Variants in CFAP65 observed in about 807,000 individuals in gnomAD.
CFAP65 encodes cilia and flagella associated protein 65, also known as cilia- and flagella-associated protein 65.
A neutral mutation model predicts 208.0 loss-of-function variants in CFAP65; 155 were observed. The observed-to-expected ratio is 0.75, with a 90% CI of 0.65 to 0.85. The LOEUF (loss-of-function observed/expected upper bound fraction) is 0.85. Among genes scored for constraint, CFAP65 ranks in the 40% least tolerant of loss-of-function variants. The pLI is 0.00. For missense variants in CFAP65, 2,294 were observed against 2,451.3 expected (o/e 0.94, Z 1.36); for synonymous variants, 970 against 986.3 (o/e 0.98, Z 0.31).
chr2:219,014,567 G>A (rs1236126096), intron 21 of CFAP65: 1 of 152,746 alleles, frequency 6.5e-6, no homozygotes, highest in Admixed American at 6.5e-5. Context: ...CGGTAAAGTA[G>A]ATAATGCACC....
chr2:219,029,687 G>T lies in CFAP65; in HGVS notation c.1385-19C>A, dbSNP rs769486657. Reference sequence around the variant, plus strand: ...GCAGGGCCTGGACACAGGAGATGGGGTATCAGCTTCCCCAAGGATATCTTA... The same window carrying T: ...GCAGGGCCTGGACACAGGAGATGGGTTATCAGCTTCCCCAAGGATATCTTA... On this transcript the variant is annotated intron_variant, in intron 10 of 34. Coordinates refer to ENST00000341552, the MANE Select transcript of CFAP65 (RefSeq NM_194302.4). 6.2e-7 allele frequency: 1 copy of T among 1,607,566 alleles called. No individual in the cohort carries two copies. The highest frequency in any genetic ancestry group is 8.5e-7 in the Non-Finnish European group (1 of 1,175,518).
chr2:219,026,710 C>T (rs1947655369), intron 13 of CFAP65: 1 of 863,330 alleles, frequency 1.2e-6, no homozygotes, highest in South Asian at 5.3e-5. Flanking sequence ...CAATTGGGAC[C>T]AGCCACATAT....
At chr2:219,005,036 AG>A (rs1478815761) in intron 32 of CFAP65, among the ~76,000 whole-genome samples, 1 of 145,286 alleles carries the variant, frequency 6.9e-6, no homozygotes, top group Non-Finnish European at 1.5e-5. Context: ...TTTGAAAAAA[AG>A]CTCTGTCTCC....
At chr2:219,041,033 G>GACTC (rs1948629071) in intron 1 of CFAP65, among the ~76,000 whole-genome samples, 1 of 152,256 alleles carries the variant, frequency 6.6e-6, no homozygotes, top group African/African-American at 2.4e-5. Flanking sequence ...TCTTCCAAAA[G>GACTC]ACTCACACAT....
chr2:219,022,942 C>A (rs537203614), intron 16 of CFAP65, among the ~76,000 whole-genome samples: 1 of 152,360 alleles, frequency 6.6e-6, no homozygotes, highest in East Asian at 1.9e-4. Context: ...CCTCTCAGGC[C>A]TGGCATCAGA....
intron 19 of CFAP65, among the ~76,000 whole-genome samples, chr2:219,020,124 A>C (rs1297738232): frequency 1.3e-5 from 2 of 151,734 alleles, no homozygotes; most frequent in African/African-American, 2.4e-5. Context: ...CATCATCCCA[A>C]ATAGAAGCCT....
In CFAP65 at chr2:219,035,615, C is replaced by G. The variant is rs778913827; in HGVS notation, c.407G>C (p.Arg136Thr). Residue 136 changes from arginine (R) to threonine (T), a missense_variant, in exon 5 of 35, where the codon AGA (arginine) becomes ACA (threonine). Arg to Thr is a moderately conservative substitution (Grantham distance 71). Transcript: ENST00000341552. Reference protein sequence around the residue: ...TQMHSPKKQERVNKRVIWGIE... With the variant: ...TQMHSPKKQETVNKRVIWGIE... ...GCCCCAGATGACCCTCTTGTTCACT[C>G]TCTCCTGCTTCTTTGGGGAGTGCAT... 3.1e-6 allele frequency: 5 copies of G among 1,614,086 alleles called. No homozygotes were observed. The highest frequency in any genetic ancestry group is 4.2e-6 in the Non-Finnish European group (5 of 1,180,010).
intron 32 of CFAP65, among the ~76,000 whole-genome samples, 174 bp downstream of exon 32, chr2:219,005,260 A>C (rs1945881672): frequency 6.6e-6 from 1 of 152,080 alleles, no homozygotes; most frequent in African/African-American, 2.4e-5. Flanking sequence ...TCCTGGGCTC[A>C]AGCCACCCGC....
chr2:219,016,335 C>T (rs1946883973), intron 21 of CFAP65, among the ~76,000 whole-genome samples: 1 of 139,032 alleles, frequency 7.2e-6, no homozygotes, highest in African/African-American at 2.8e-5. Context: ...CACTCTGTCA[C>T]CCAGGCTAGA....
At chr2:219,014,171 CAA>C in intron 21 of CFAP65, 127 bp from the exon 22 acceptor site, 1 of 742,654 alleles carries the variant, frequency 1.3e-6, no homozygotes, top group African/African-American at 1.8e-5. Flanking sequence ...ACCCATTTGG[CAA>C]ACTGTCCCAT....
At chr2:219,029,832 G>T in intron 10 of CFAP65, 154 bp downstream of exon 10, 1 of 1,136,476 alleles carries the variant, frequency 8.8e-7, no homozygotes, top group Non-Finnish European at 1.2e-6. Flanking sequence ...TCTCCAGGTA[G>T]TCACGGATGA....
chr2:219,027,674 C>CCT lies in CFAP65; in HGVS notation c.2186_2187insAG (p.Leu730GlyfsTer29). 2 of 1,614,016 alleles carry CCT rather than the reference C, an allele frequency of 1.2e-6. No individual in the cohort carries two copies. The highest frequency in any genetic ancestry group is 8.5e-7 in the Non-Finnish European group (1 of 1,180,042). Reference sequence around the variant, plus strand: ...CCTTATAGATGGCGAAGGCTTCGAGCTCCACCGTGTAAAGGCAGTTGGGGT... The same window carrying CCT: ...CCTTATAGATGGCGAAGGCTTCGAGCCTTCCACCGTGTAAAGGCAGTTGGGGT... On this transcript the variant is annotated frameshift_variant, in exon 13 of 35. Coordinates refer to ENST00000341552, the MANE Select transcript of CFAP65 (RefSeq NM_194302.4). LOFTEE classifies it high-confidence loss of function.
Position 219,029,959 on chromosome 2 carries a change from AGGGGAGGCCCCT to A in CFAP65, c.1384+15_1384+26del, listed in dbSNP as rs754577741. On this transcript the variant is annotated intron_variant, in intron 10 of 34. Transcript: ENST00000341552. ...CTCAGCAGGGGCTGCTCCTGTCCCC[AGGGGAGGCCCCT>A]GGGGTCACCGGTACCTCTACAGAAA... The A allele has an allele frequency of 2.2e-5, 35 of 1,603,616 alleles. No homozygotes were observed. Among genetic ancestry groups the A allele is most frequent in the South Asian group, 1.1e-5 (1 of 90,848 alleles).
intron 21 of CFAP65, chr2:219,015,514 T>C (rs979168572): frequency 6.6e-6 from 1 of 152,222 alleles, no homozygotes; most frequent in Non-Finnish European, 1.5e-5. Flanking sequence ...TTAACTTTTT[T>C]CACATCTGAA....
chr2:219,012,036 C>T (rs2106111535), intron 24 of CFAP65, among the ~76,000 whole-genome samples: 1 of 152,372 alleles, frequency 6.6e-6, no homozygotes, highest in South Asian at 2.1e-4. Context: ...CATGTGAGGA[C>T]ACAGCAAGAA....
intron 21 of CFAP65, chr2:219,015,162 C>T (rs1321708665): frequency 1.4e-5 from 2 of 147,266 alleles, no homozygotes; most frequent in African/African-American, 5.1e-5. Flanking sequence ...GTGCAACACA[C>T]ACCTGAGGAG....
At position 219,004,450 on chromosome 2, in the gene CFAP65, A is replaced by T; in HGVS notation, c.5057T>A (p.Leu1686Gln). The T allele has an allele frequency of 6.2e-7, 1 of 1,605,964 alleles. No individual in the cohort carries two copies. The highest frequency in any genetic ancestry group is 8.5e-7 in the Non-Finnish European group (1 of 1,175,866). Reference sequence around the variant, plus strand: ...CTCATGGAAGTTCTTGTCTTCCAGCAGGCCCCTAGGTGGCAGGGAGAAGGA... The same window carrying T: ...CTCATGGAAGTTCTTGTCTTCCAGCTGGCCCCTAGGTGGCAGGGAGAAGGA... ...VDILTTIIRG[L>Q]LEDKNFHEAV... Residue 1686 changes from leucine to glutamine, a missense_variant, in exon 33 of 35, where the codon CTG becomes CAG. By Grantham distance (113) the Leu-to-Gln change is moderately radical. Around this residue, in one of 2 missense-constraint regions of CFAP65, gnomAD observed 1,427 missense variants for 1,438.7 expected, o/e 0.99. Coordinates refer to ENST00000341552, the MANE Select transcript of CFAP65 (RefSeq NM_194302.4). This position sits in a 1 kb window ranked among gnomAD's most constrained non-coding sequence, Gnocchi z 4.7.
intron 4 of CFAP65, among the ~76,000 whole-genome samples, chr2:219,036,858 G>A (rs995344746): frequency 1.3e-5 from 2 of 152,196 alleles, no homozygotes; most frequent in Non-Finnish European, 2.9e-5. Flanking sequence ...CGGACACTGT[G>A]CTAGGTGCTG....
In CFAP65 at chr2:219,010,802, C is replaced by T. The variant is rs750618749; in HGVS notation, c.4149+3G>A. On this transcript the variant is annotated splice_donor_region_variant and intron_variant, in intron 25 of 34. Transcript: ENST00000341552. Reference sequence around the variant, plus strand: ...CTCCCACGTCATCCAGGTTGCTGCTCACCGTGTAGGTCTTGGCCTCGATAG... The same window carrying T: ...CTCCCACGTCATCCAGGTTGCTGCTTACCGTGTAGGTCTTGGCCTCGATAG... 4 of 1,598,864 alleles carry T rather than the reference C, an allele frequency of 2.5e-6. No homozygotes were observed. The highest frequency in any genetic ancestry group is 3.4e-6 in the Non-Finnish European group (4 of 1,169,012).
Sources: gnomAD v4.1 joint callset for allele counts (sites outside exome capture counted in the v4.1 genomes callset) on GRCh38, gnomAD v4.1.1 for gene constraint, gnomAD v4.1.1 regional missense constraint, Gnocchi (gnomAD v3.1) non-coding constraint, MANE v1.5 for transcripts, NCBI Gene and HGNC (gene_info 2026-07-23, HGNC 2026-07-21) for gene names.